KCNQ5: variants seen among roughly 807,000 people sequenced by gnomAD.
The protein encoded by KCNQ5 is potassium voltage-gated channel subfamily KQT member 5.
A neutral mutation model predicts 98.2 loss-of-function variants in KCNQ5; 30 were observed. The ratio of observed to expected loss-of-function variants is 0.31; its 90% CI spans 0.23 to 0.41. The LOEUF (loss-of-function observed/expected upper bound fraction) is 0.41, where lower values mean the gene tolerates loss of function less well. KCNQ5 is among the 10% of genes least tolerant of loss of function. The pLI is 1.00. For missense variants in KCNQ5, 835 were observed against 1,182.5 expected, an observed-to-expected ratio of 0.71 and a Z score of 4.31; for synonymous variants, 458 against 449.4, an observed-to-expected ratio of 1.02 and a Z score of -0.24.
chr6:72,815,844 AGAT>A (rs774405018), intron 1 of KCNQ5, among the ~76,000 whole-genome samples: 20 of 152,184 alleles, frequency 1.3e-4, no homozygotes, highest in Non-Finnish European at 2.9e-4. Flanking sequence ...CCCCAAAAGA[AGAT>A]CTGGCTTGAT....
intron 1 of KCNQ5, among the ~76,000 whole-genome samples, chr6:72,939,642 C>T (rs149551013): frequency 9.2e-5 from 14 of 152,124 alleles, no homozygotes; most frequent in African/African-American, 2.4e-4. Flanking sequence ...TGTATGCTTC[C>T]GCACTGATTA....
At chr6:72,798,613 C>T (rs1315508696) in intron 1 of KCNQ5, among the ~76,000 whole-genome samples, 1 of 152,172 alleles carries the variant, frequency 6.6e-6, no homozygotes, top group East Asian at 1.9e-4. Context: ...ATAAATCACC[C>T]AGTCTCAGGT....
At position 72,967,190 on chromosome 6, in the gene KCNQ5, TC is replaced by T. The variant is rs1189447628; in HGVS notation, c.399-36717del. 2.0e-5 allele frequency among the ~76,000 whole-genome samples: 3 copies of T among 152,292 alleles called. No homozygotes were observed. The East Asian group carries it at 5.8e-4, about 29-fold the overall frequency. Reference sequence around the variant, plus strand: ...ATGATATGACTCTTAGGGTTTTATTTCTCCCATTTTATAACCCTCTTTAGGA... The same window carrying T: ...ATGATATGACTCTTAGGGTTTTATTTTCCCATTTTATAACCCTCTTTAGGA... On this transcript the variant is annotated intron_variant, in intron 1 of 13. Transcript: ENST00000370398.
intron 5 of KCNQ5, among the ~76,000 whole-genome samples, chr6:73,090,335 A>G (rs1774188528): frequency 6.6e-6 from 1 of 152,150 alleles, no homozygotes; most frequent in South Asian, 2.1e-4. Context: ...TATAGATTAT[A>G]ACGATTTTCT....
intron 9 of KCNQ5, among the ~76,000 whole-genome samples, chr6:73,128,836 A>G (rs891822078): frequency 1.3e-5 from 2 of 152,116 alleles, no homozygotes; most frequent in Admixed American, 6.5e-5. Flanking sequence ...GGCAAAAATG[A>G]TATTTTTATA....
chr6:73,045,248 T>C (rs753626006), intron 3 of KCNQ5, among the ~76,000 whole-genome samples: 1 of 152,236 alleles, frequency 6.6e-6, no homozygotes, highest in Non-Finnish European at 1.5e-5. Flanking sequence ...GGAAAACATA[T>C]TTTAAACAAT....
chr6:72,941,546 T>C (rs571799318), intron 1 of KCNQ5, among the ~76,000 whole-genome samples: 4 of 77,804 alleles, frequency 5.1e-5, no homozygotes, highest in African/African-American at 1.5e-4. Flanking sequence ...CTCCTTCCTT[T>C]CCTTCTTCCC....
At chr6:72,721,566 G>A (rs575688604) in intron 1 of KCNQ5, among the ~76,000 whole-genome samples, 30 of 152,236 alleles carry the variant, frequency 2.0e-4, no homozygotes, top group Admixed American at 3.9e-4. Context: ...ATTGTTTAAA[G>A]AAGAAGATTC....
intron 1 of KCNQ5, among the ~76,000 whole-genome samples, chr6:72,754,302 G>A (rs1771844619): frequency 6.6e-6 from 1 of 152,058 alleles, no homozygotes; most frequent in Admixed American, 6.6e-5. Context: ...TGTAATAGTT[G>A]TTGTTAATAT....
chr6:72,964,491 C>T (rs2150273592), intron 1 of KCNQ5, among the ~76,000 whole-genome samples: 1 of 152,252 alleles, frequency 6.6e-6, no homozygotes, highest in East Asian at 1.9e-4. Flanking sequence ...TACAGAAAGA[C>T]ATTATTTGTA....
chr6:73,118,736 G>T (rs998698887), intron 7 of KCNQ5, among the ~76,000 whole-genome samples: 3 of 152,080 alleles, frequency 2.0e-5, no homozygotes, highest in Non-Finnish European at 4.4e-5. Context: ...TAAATGAATT[G>T]GTCTGCCAGG....
chr6:73,018,634 C>T (rs995059455), intron 2 of KCNQ5, among the ~76,000 whole-genome samples: 15 of 152,062 alleles, frequency 9.9e-5, no homozygotes, highest in Non-Finnish European at 1.9e-4. Context: ...CTGAGATACT[C>T]ATATAGTCCC....
intron 1 of KCNQ5, among the ~76,000 whole-genome samples, chr6:72,715,633 T>G (rs1024844712): frequency 7.9e-5 from 12 of 152,146 alleles, no homozygotes; most frequent in South Asian, 2.1e-4. Context: ...AAGATGGACA[T>G]GTAATTTACC....
intron 1 of KCNQ5, among the ~76,000 whole-genome samples, chr6:72,728,332 C>T (rs1340203544): frequency 1.3e-5 from 2 of 152,064 alleles, no homozygotes; most frequent in African/African-American, 4.8e-5. Context: ...GTTCAAATTC[C>T]AGGATCTTAT....
intron 1 of KCNQ5, among the ~76,000 whole-genome samples, chr6:72,778,494 A>G (rs984915675): frequency 6.6e-6 from 1 of 151,884 alleles, no homozygotes; most frequent in Non-Finnish European, 1.5e-5. Flanking sequence ...AGCAGAGATC[A>G]CGCCACTGCA....
At chr6:72,844,588 T>A (rs1776941574) in intron 1 of KCNQ5, among the ~76,000 whole-genome samples, 1 of 152,212 alleles carries the variant, frequency 6.6e-6, no homozygotes, top group South Asian at 2.1e-4. Flanking sequence ...TACCCAAACT[T>A]AAGGATCAAC....
chr6:72,852,733 T>A (rs1777331070), intron 1 of KCNQ5, among the ~76,000 whole-genome samples: 1 of 146,544 alleles, frequency 6.8e-6, no homozygotes, highest in East Asian at 2.0e-4. Flanking sequence ...GATAAAATAA[T>A]TTTTTAGGAA....
At chr6:73,160,208 G>A (rs535951748) in intron 10 of KCNQ5, among the ~76,000 whole-genome samples, 1 of 152,052 alleles carries the variant, frequency 6.6e-6, no homozygotes, top group Non-Finnish European at 1.5e-5. Context: ...AGTAGAGACG[G>A]GGTTTCACCG....
At chr6:73,124,580 T>C (rs755412026) in intron 9 of KCNQ5, 68 bp downstream of exon 9, 5 of 1,377,580 alleles carry the variant, frequency 3.6e-6, no homozygotes, top group Non-Finnish European at 4.1e-6. Context: ...TTTAAATGTG[T>C]CTCATGTGAG....
Sources: gnomAD v4.1 joint callset for allele counts (sites outside exome capture counted in the v4.1 genomes callset) on GRCh38, gnomAD v4.1.1 for gene constraint, MANE v1.5 for transcripts, NCBI Gene and HGNC (gene_info 2026-07-23, HGNC 2026-07-21) for gene names.